BCL2: variants seen among roughly 807,000 people sequenced by gnomAD.
BCL2 encodes BCL2 apoptosis regulator, also known as apoptosis regulator Bcl-2.
Under a neutral mutation model 14.2 loss-of-function variants are expected in BCL2, and 1 was observed. The observed-to-expected ratio is 0.07, with a 90% CI of 0.02 to 0.33. The LOEUF (loss-of-function observed/expected upper bound fraction) is 0.33. Among genes scored for constraint, BCL2 ranks in the 10% least tolerant of loss-of-function variants. The pLI, the probability that BCL2 is intolerant of heterozygous loss-of-function variation, is 0.99. For missense variants in BCL2, 247 were observed against 305.9 expected, an observed-to-expected ratio of 0.81 and a Z score of 1.44; for synonymous variants, 151 against 137.2, an observed-to-expected ratio of 1.10 and a Z score of -0.70.
At chr18:63,303,080 G>T (rs1276692273) in intron 2 of BCL2, among the ~76,000 whole-genome samples, 1 of 152,108 alleles carries the variant, frequency 6.6e-6, no homozygotes, top group Admixed American at 6.5e-5. Flanking sequence ...AAACACTAAG[G>T]TCATGCCTAA....
chr18:63,204,635 G>A (rs1045444445), intron 2 of BCL2, among the ~76,000 whole-genome samples: 5 of 152,094 alleles, frequency 3.3e-5, no homozygotes, highest in Non-Finnish European at 5.9e-5. Flanking sequence ...ACTAATAAAA[G>A]GGTTGTTGTT....
chr18:63,157,349 C>T (rs1436663560), intron 2 of BCL2, among the ~76,000 whole-genome samples: 3 of 152,096 alleles, frequency 2.0e-5, no homozygotes, highest in Non-Finnish European at 2.9e-5. Flanking sequence ...TGGGATATGC[C>T]GCCCAGGAGG....
At chr18:63,147,883 T>A (rs1914552015) in intron 2 of BCL2, among the ~76,000 whole-genome samples, 1 of 152,200 alleles carries the variant, frequency 6.6e-6, no homozygotes, top group Non-Finnish European at 1.5e-5. Flanking sequence ...ATTACAGTGT[T>A]ATTCCCTTTG....
At chr18:63,169,248 T>TTTTCTTTTTC (rs1915124463) in intron 2 of BCL2, among the ~76,000 whole-genome samples, 3 of 108,144 alleles carry the variant, frequency 2.8e-5, no homozygotes, top group Non-Finnish European at 5.7e-5. Flanking sequence ...CCCTTCGTGT[T>TTTTCTTTTTC]TTTCTTTCTT....
intron 2 of BCL2, among the ~76,000 whole-genome samples, chr18:63,169,412 TC>T (rs1455166654): frequency 0.017 from 1,464 of 87,976 alleles, 116 homozygotes; most frequent in African/African-American, 0.054. Flanking sequence ...TTTTTCTTTC[TC>T]TCTCTCTCTC....
chr18:63,187,638 T>A (rs1016304053), intron 2 of BCL2, among the ~76,000 whole-genome samples: 3 of 152,110 alleles, frequency 2.0e-5, no homozygotes, highest in Non-Finnish European at 4.4e-5. Context: ...AATAGCTGAA[T>A]AAAGAACAGG....
intron 2 of BCL2, among the ~76,000 whole-genome samples, chr18:63,291,346 C>T (rs552566428): frequency 5.3e-5 from 8 of 152,164 alleles, no homozygotes; most frequent in Non-Finnish European, 5.9e-5. Context: ...CTGAAGTTCA[C>T]GGTTATTTTT....
At chr18:63,161,060 A>C (rs1029199423) in intron 2 of BCL2, among the ~76,000 whole-genome samples, 3 of 152,198 alleles carry the variant, frequency 2.0e-5, no homozygotes, top group African/African-American at 7.2e-5. Flanking sequence ...TCACTTTTCC[A>C]AAATGGTACC....
chr18:63,302,525 G>C, intron 2 of BCL2: 1 of 985,324 alleles, frequency 1.0e-6, no homozygotes, highest in African/African-American at 1.7e-5. Context: ...GTCATAACAT[G>C]TTGTGCCCAG....
chr18:63,134,540 A>G (rs1163064672), intron 2 of BCL2, among the ~76,000 whole-genome samples: 1 of 152,174 alleles, frequency 6.6e-6, no homozygotes, highest in Non-Finnish European at 1.5e-5. Flanking sequence ...TCAGCTCTCT[A>G]TATACTGGGG....
At chr18:63,159,901 C>G in intron 2 of BCL2, among the ~76,000 whole-genome samples, 1 of 152,192 alleles carries the variant, frequency 6.6e-6, no homozygotes, top group East Asian at 1.9e-4. Flanking sequence ...CAACTCGAAT[C>G]GTTTTCAGCG....
chr18:63,184,708 GT>G (rs1915551470), intron 2 of BCL2, among the ~76,000 whole-genome samples: 1 of 152,366 alleles, frequency 6.6e-6, no homozygotes, highest in African/African-American at 2.4e-5. Context: ...GAAGGCTTCT[GT>G]AAACTGTTGA....
intron 2 of BCL2, among the ~76,000 whole-genome samples, chr18:63,278,712 C>T (rs769759006): frequency 8.5e-5 from 13 of 152,202 alleles, no homozygotes; most frequent in Non-Finnish European, 1.9e-4. Flanking sequence ...CTACCTATCA[C>T]AATGTTCCCC....
chr18:63,258,772 C>T (rs1911562119), intron 2 of BCL2, among the ~76,000 whole-genome samples: 1 of 152,220 alleles, frequency 6.6e-6, no homozygotes, highest in Admixed American at 6.5e-5. Flanking sequence ...ACATGCCTAC[C>T]ATCTCCATCT....
chr18:63,306,123 A>T (rs1231062001), intron 2 of BCL2, among the ~76,000 whole-genome samples: 4 of 152,200 alleles, frequency 2.6e-5, no homozygotes, highest in Non-Finnish European at 5.9e-5. Flanking sequence ...AAAAGCATTT[A>T]TATATAACCA....
At chr18:63,273,446 T>A (rs1180978412) in intron 2 of BCL2, among the ~76,000 whole-genome samples, 1 of 152,130 alleles carries the variant, frequency 6.6e-6, no homozygotes, top group Non-Finnish European at 1.5e-5. Flanking sequence ...ACATTAACAA[T>A]GACAATTTAC....
At chr18:63,246,587 C>T (rs1017066003) in intron 2 of BCL2, among the ~76,000 whole-genome samples, 1 of 152,152 alleles carries the variant, frequency 6.6e-6, no homozygotes, top group African/African-American at 2.4e-5. Context: ...CAATTACATC[C>T]TACCCGCTCC....
chr18:63,146,009 C>T (rs1261167296), intron 2 of BCL2, among the ~76,000 whole-genome samples: 4 of 152,144 alleles, frequency 2.6e-5, no homozygotes, highest in Admixed American at 6.5e-5. Flanking sequence ...ACAGGACTCC[C>T]GTCCTATCTC....
chr18:63,166,757 G>C (rs1034999270), intron 2 of BCL2, among the ~76,000 whole-genome samples: 5 of 152,212 alleles, frequency 3.3e-5, no homozygotes, highest in African/African-American at 1.2e-4. Context: ...AGTTTGGTTA[G>C]TAAAACATTA....
Sources: allele counts gnomAD v4.1 joint callset (sites outside exome capture counted in the v4.1 genomes callset), GRCh38; gene constraint gnomAD v4.1.1; transcripts MANE v1.5; gene names NCBI Gene and HGNC (gene_info 2026-07-23, HGNC 2026-07-21).